Variants in ADAMTSL1 observed in about 807,000 individuals in gnomAD.
The protein encoded by ADAMTSL1 is ADAMTS like 1, also known as ADAMTS-like protein 1.
ADAMTSL1 carries 126 observed loss-of-function variants against 201.8 expected under a neutral mutation model. The ratio of observed to expected loss-of-function variants is 0.62; its 90% CI spans 0.54 to 0.72. The LOEUF (loss-of-function observed/expected upper bound fraction) is 0.72. Among genes scored for constraint, ADAMTSL1 ranks in the 30% least tolerant of loss-of-function variants. ADAMTSL1 has a pLI of 0.00. For synonymous variants in ADAMTSL1, 1,121 were observed against 903.4 expected, an observed-to-expected ratio of 1.24 and a Z score of -4.32; for missense variants, 2,679 against 2,277.8, an observed-to-expected ratio of 1.18 and a Z score of -3.59.
intron 17 of ADAMTSL1, 99 bp downstream of exon 17, chr9:18,770,880 C>A: frequency 1.6e-6 from 2 of 1,237,444 alleles, no homozygotes; most frequent in Non-Finnish European, 2.2e-6. Flanking sequence ...ACAAAACAAT[C>A]TTCCTAATAT....
At chr9:18,863,236 CCAAT>C (rs1827317134) in intron 23 of ADAMTSL1, among the ~76,000 whole-genome samples, 3 of 152,230 alleles carry the variant, frequency 2.0e-5, no homozygotes, top group Admixed American at 1.3e-4. Context: ...ACACAGTAAC[CCAAT>C]CATTTTGGAA....
chr9:18,586,959 G>T (rs908670395), intron 4 of ADAMTSL1, among the ~76,000 whole-genome samples: 4 of 151,970 alleles, frequency 2.6e-5, no homozygotes, highest in African/African-American at 7.3e-5. Context: ...GTAGATTAAA[G>T]ACTTAAATGT....
At position 18,681,704 on chromosome 9, in the gene ADAMTSL1, G is replaced by T. The variant is rs1040019355; in HGVS notation, c.1342-108G>T. On this transcript the variant is annotated intron_variant, in intron 11 of 28. Transcript: ENST00000380548. The stretch of plus-strand genomic sequence containing the variant: ...TTACCAGGAGTCCTCGTGTGGGGGG[G>T]GGGGGCGGGGAAAAAGAAAACTTAG... The T allele has an allele frequency of 4.5e-5, 32 of 716,346 alleles. 1 individual carries two copies. Among genetic ancestry groups the T allele is most frequent in the Middle Eastern group, 4.7e-4 (1 of 2,118 alleles). The allele number at this position is 716,346 out of a possible 1,614,324, so 44.4% of individuals were successfully genotyped here.
At chr9:18,308,232 G>A (rs1251525418) in intron 2 of ADAMTSL1, among the ~76,000 whole-genome samples, 1 of 152,126 alleles carries the variant, frequency 6.6e-6, no homozygotes, top group Non-Finnish European at 1.5e-5. Flanking sequence ...ATGCCCACAG[G>A]AGAGAGGGGG....
intron 1 of ADAMTSL1, among the ~76,000 whole-genome samples, chr9:18,149,919 A>G (rs1826832730): frequency 6.6e-6 from 1 of 152,064 alleles, no homozygotes; most frequent in African/African-American, 2.4e-5. Context: ...AAGACAGATT[A>G]TAGGCAGACT....
intron 4 of ADAMTSL1, among the ~76,000 whole-genome samples, chr9:18,620,213 T>TTGAATTCTTCA (rs1825954603): frequency 6.6e-6 from 1 of 152,112 alleles, no homozygotes; most frequent in Admixed American, 6.5e-5. Flanking sequence ...CCTAATCAAA[T>TTGAATTCTTCA]TGAATTCTTC....
chr9:18,015,234 T>C (rs1290892250), intron 1 of ADAMTSL1, among the ~76,000 whole-genome samples: 1 of 152,054 alleles, frequency 6.6e-6, no homozygotes, highest in Non-Finnish European at 1.5e-5. Context: ...TGCTTCTCTC[T>C]GGTGCTCTCT....
intron 2 of ADAMTSL1, among the ~76,000 whole-genome samples, chr9:18,373,580 T>C (rs1158636222): frequency 6.6e-6 from 1 of 152,002 alleles, no homozygotes; most frequent in Non-Finnish European, 1.5e-5. Flanking sequence ...GGGGTAGTAA[T>C]ACCTTCCATT....
intron 2 of ADAMTSL1, among the ~76,000 whole-genome samples, chr9:18,258,084 C>T (rs1048886272): frequency 9.2e-5 from 14 of 152,016 alleles, no homozygotes; most frequent in Admixed American, 9.2e-4. Context: ...CGTAAAGCTG[C>T]TAAGTTGTAC....
chr9:18,511,154 T>G (rs1817998797), intron 2 of ADAMTSL1, among the ~76,000 whole-genome samples: 1 of 152,068 alleles, frequency 6.6e-6, no homozygotes, highest in Non-Finnish European at 1.5e-5. Flanking sequence ...TGCTCTTAGG[T>G]GTGATGTGAA....
intron 2 of ADAMTSL1, among the ~76,000 whole-genome samples, chr9:18,468,136 GTGCATTGCA>G (rs1240536174): frequency 6.6e-6 from 1 of 152,156 alleles, no homozygotes; most frequent in Non-Finnish European, 1.5e-5. Flanking sequence ...CTGTAGCATT[GTGCATTGCA>G]TACAGTAGGT....
At position 18,639,405 on chromosome 9, in the gene ADAMTSL1, T is replaced by C. The variant is rs1474709696; in HGVS notation, c.828T>C (p.Ile276=). 6.2e-7 allele frequency: 1 copy of C among 1,612,216 alleles called. No homozygotes were observed. Among genetic ancestry groups the C allele is most frequent in the African/African-American group, 1.3e-5 (1 of 74,944 alleles). The part of the protein sequence containing the change: ...RMAGPLTADF[I]VKIRNSGSAD... Reference sequence around the variant, plus strand: ...CTGGACCACTCACAGCAGATTTCATTGTCAAGGTGAGCCCTATTTAGATAC... The same window carrying C: ...CTGGACCACTCACAGCAGATTTCATCGTCAAGGTGAGCCCTATTTAGATAC... The change falls in exon 7 of 29, where the codon ATT becomes ATC. Residue 276 remains isoleucine (I), a synonymous_variant. Coordinates refer to ENST00000380548, the MANE Select transcript of ADAMTSL1 (RefSeq NM_001040272.6).
chr9:18,096,164 G>C (rs374933679), intron 1 of ADAMTSL1, among the ~76,000 whole-genome samples: 1 of 152,036 alleles, frequency 6.6e-6, no homozygotes, highest in Non-Finnish European at 1.5e-5. Flanking sequence ...AAGTAATATG[G>C]CATGTACTAC....
At chr9:18,802,694 A>T (rs1381206436) in intron 20 of ADAMTSL1, among the ~76,000 whole-genome samples, 2 of 152,178 alleles carry the variant, frequency 1.3e-5, no homozygotes, top group Non-Finnish European at 2.9e-5. Flanking sequence ...TTATGTGGAC[A>T]TATTTTTTAT....
chr9:17,945,158 C>A (rs1309499745), intron 1 of ADAMTSL1, among the ~76,000 whole-genome samples: 1 of 135,748 alleles, frequency 7.4e-6, no homozygotes. Flanking sequence ...GGGCAAAGGA[C>A]ATGAACAGAC....
chr9:18,611,312 T>G (rs1825349049), intron 4 of ADAMTSL1, among the ~76,000 whole-genome samples: 1 of 152,160 alleles, frequency 6.6e-6, no homozygotes, highest in African/African-American at 2.4e-5. Flanking sequence ...TAATTTTGTT[T>G]CGCATTCTCC....
intron 1 of ADAMTSL1, among the ~76,000 whole-genome samples, chr9:17,986,133 G>C (rs992253960): frequency 1.3e-5 from 2 of 152,088 alleles, no homozygotes; most frequent in African/African-American, 4.8e-5. Flanking sequence ...CTTGGATATT[G>C]CTTGGAGGCT....
intron 2 of ADAMTSL1, among the ~76,000 whole-genome samples, chr9:18,414,111 CAAGTAT>C (rs763726976): frequency 2.0e-4 from 30 of 152,224 alleles, no homozygotes; most frequent in Middle Eastern, 3.4e-3. Flanking sequence ...GTTGACTATT[CAAGTAT>C]GAGTGTAATA....
At chr9:18,182,009 A>G (rs1301974906) in intron 2 of ADAMTSL1, among the ~76,000 whole-genome samples, 1 of 152,094 alleles carries the variant, frequency 6.6e-6, no homozygotes, top group Non-Finnish European at 1.5e-5. Flanking sequence ...GAAATTGGAA[A>G]TCATCATTCT....
Sources: gnomAD v4.1 joint callset for allele counts (sites outside exome capture counted in the v4.1 genomes callset) on GRCh38, gnomAD v4.1.1 for gene constraint, MANE v1.5 for transcripts, NCBI Gene and HGNC (gene_info 2026-07-23, HGNC 2026-07-21) for gene names.